Variants in SLC17A3 observed in about 807,000 individuals in gnomAD.
SLC17A3 encodes the protein sodium-dependent phosphate transport protein 4.
Under a neutral mutation model 60.3 loss-of-function variants are expected in SLC17A3, and 61 were observed. The observed-to-expected ratio is 1.01, with a 90% CI of 0.82 to 1.25. The LOEUF (loss-of-function observed/expected upper bound fraction) is 1.25. Among genes scored for constraint, SLC17A3 ranks in the 50% most tolerant of loss-of-function variants. SLC17A3 has a pLI of 0.00. For synonymous variants in SLC17A3, 192 were observed against 208.9 expected, an observed-to-expected ratio of 0.92 and a Z score of 0.70; for missense variants, 624 against 594.9, an observed-to-expected ratio of 1.05 and a Z score of -0.51.
At chr6:25,857,276 A>C (rs1765372501) in intron 5 of SLC17A3, among the ~76,000 whole-genome samples, 2 of 150,884 alleles carry the variant, frequency 1.3e-5, no homozygotes, top group Admixed American at 1.3e-4. Context: ...TCTATCTTTA[A>C]CTATTATTTT....
chr6:25,864,655 G>A (rs957825895), intron 2 of SLC17A3, among the ~76,000 whole-genome samples: 7 of 151,864 alleles, frequency 4.6e-5, no homozygotes, highest in African/African-American at 1.7e-4. Context: ...TGTAAGGTAG[G>A]GTGGTCAAGA....
chr6:25,851,620 C>A (rs192199952), intron 6 of SLC17A3, among the ~76,000 whole-genome samples: 1 of 152,022 alleles, frequency 6.6e-6, no homozygotes, highest in Non-Finnish European at 1.5e-5. Context: ...TGTGGATATC[C>A]AATTTTTGAG....
At chr6:25,865,271 G>A (rs1245279923) in intron 2 of SLC17A3, among the ~76,000 whole-genome samples, 8 of 151,950 alleles carry the variant, frequency 5.3e-5, no homozygotes. Flanking sequence ...CCCAGCTGTA[G>A]GGTTTATGTG....
At chr6:25,862,091 A>G in intron 3 of SLC17A3, 62 bp from the exon 4 acceptor site, 1 of 1,443,700 alleles carries the variant, frequency 6.9e-7, no homozygotes, top group Non-Finnish European at 9.5e-7. Flanking sequence ...ATACCCTAGA[A>G]AGCTCCTTTA....
intron 11 of SLC17A3, among the ~76,000 whole-genome samples, chr6:25,847,718 T>A (rs1377981090): frequency 1.3e-5 from 2 of 151,884 alleles, no homozygotes; most frequent in Admixed American, 6.5e-5. Context: ...CTTTTAAAAA[T>A]TTTTTATTTT....
Position 25,868,375 on chromosome 6 carries a change from T to C in SLC17A3, c.13A>G (p.Thr5Ala). 1 of 1,612,080 alleles carries C rather than the reference T, an allele frequency of 6.2e-7. No homozygotes were observed. The highest frequency in any genetic ancestry group is 8.5e-7 in the Non-Finnish European group (1 of 1,178,660). ...TCCCTTGCTGTGGGACTCAACTCTG[T>C]CTTGGTGGCCATTGTGTTTCTCCTC... Reference protein sequence around the residue: MATKTELSPTARESK... With the variant: MATKAELSPTARESK... Residue 5 changes from threonine to alanine, a missense_variant, in exon 2 of 13, where the codon ACA (threonine) becomes GCA (alanine). Thr to Ala is a moderately conservative substitution (Grantham distance 58). Coordinates refer to ENST00000397060, the MANE Select transcript of SLC17A3 (RefSeq NM_001098486.2).
intron 11 of SLC17A3, among the ~76,000 whole-genome samples, chr6:25,849,005 C>T (rs113151678): frequency 1.3e-5 from 2 of 152,156 alleles, no homozygotes; most frequent in Admixed American, 1.3e-4. Flanking sequence ...ACATTCTTTG[C>T]AAACACTTTA....
At chr6:25,872,939 G>A (rs1360384645) in intron 1 of SLC17A3, among the ~76,000 whole-genome samples, 2 of 152,010 alleles carry the variant, frequency 1.3e-5, no homozygotes, top group Non-Finnish European at 2.9e-5. Flanking sequence ...CTATCTCTAA[G>A]TGAACCAGGA....
At chr6:25,850,246 A>G (rs1765250816) in intron 8 of SLC17A3, 69 bp from the exon 9 acceptor site, 7 of 1,486,280 alleles carry the variant, frequency 4.7e-6, no homozygotes, top group Middle Eastern at 1.7e-4. Flanking sequence ...TTGATAAATT[A>G]CTACTAATAA....
At chr6:25,848,677 G>A (rs1050583105) in intron 11 of SLC17A3, among the ~76,000 whole-genome samples, 7 of 152,116 alleles carry the variant, frequency 4.6e-5, no homozygotes, top group Non-Finnish European at 8.8e-5. Context: ...AACCCTTCTA[G>A]ACACCGGCTT....
chr6:25,845,662 G>C (rs1765163325), intron 11 of SLC17A3, 146 bp from the exon 12 acceptor site: 2 of 888,890 alleles, frequency 2.3e-6, no homozygotes, highest in East Asian at 2.6e-5. Context: ...TAAATGCAAA[G>C]GATTTCAAAA....
chr6:25,862,465 T>C, intron 2 of SLC17A3, 21 bp from the exon 3 acceptor site: 1 of 1,581,274 alleles, frequency 6.3e-7, no homozygotes, highest in Non-Finnish European at 8.7e-7. Context: ...TATGACATCA[T>C]ATTAGTGTTT....
At position 25,850,553 on chromosome 6, in the gene SLC17A3, C is replaced by G; in HGVS notation, c.899G>C (p.Cys300Ser). 6.2e-7 allele frequency: 1 copy of G among 1,613,936 alleles called. No individual in the cohort carries two copies. Among genetic ancestry groups the G allele is most frequent in the Non-Finnish European group, 8.5e-7 (1 of 1,179,886 alleles). The change falls in exon 8 of 13, where the codon TGT becomes TCT. Residue 300 changes from cysteine (C) to serine (S), a missense_variant. Cys to Ser is a moderately radical substitution (Grantham distance 112, BLOSUM62 -1). Coordinates refer to ENST00000397060, the MANE Select transcript of SLC17A3 (RefSeq NM_001098486.2). ...CCATTGATGGCTGAAACAGCCTAAA[C>G]ATATGGACCAAATGGGTAGAGATCT... ...MLRSLPIWSI[C>S]LGCFSHQWLV...
rs1765466270 is a variant in SLC17A3, at chr6:25,862,400, G to A, written c.136C>T (p.His46Tyr). ...GCTATCGTTGTGAAATTGCAGAAATGTAAGACGAGGGCTATTCCATAGCGA... is the reference window on the plus strand; with the variant it reads ...GCTATCGTTGTGAAATTGCAGAAATATAAGACGAGGGCTATTCCATAGCGA... ...SARYGIALVL[H>Y]FCNFTTIAQN... is the part of the protein sequence containing the mutation. The change falls in exon 3 of 13, where the codon CAT (histidine) becomes TAT (tyrosine). Residue 46 changes from histidine to tyrosine, a missense_variant. His to Tyr is a moderately conservative substitution (Grantham distance 83). Transcript: ENST00000397060. 3.7e-6 allele frequency: 6 copies of A among 1,613,558 alleles called. No individual in the cohort carries two copies. Among genetic ancestry groups the A allele is most frequent in the Non-Finnish European group, 5.1e-6 (6 of 1,179,682 alleles).
intron 2 of SLC17A3, among the ~76,000 whole-genome samples, chr6:25,864,213 GA>G (rs1765499193): frequency 6.6e-6 from 1 of 151,908 alleles, no homozygotes; most frequent in South Asian, 2.1e-4. Context: ...GAGATGTCAG[GA>G]AAGCTAGATC....
At chr6:25,857,649 A>C (rs1472069502) in intron 5 of SLC17A3, among the ~76,000 whole-genome samples, 1 of 152,144 alleles carries the variant, frequency 6.6e-6, no homozygotes, top group East Asian at 1.9e-4. Context: ...AAATAGAGAG[A>C]AAAATTAAAT....
At chr6:25,866,032 GC>G in intron 2 of SLC17A3, among the ~76,000 whole-genome samples, 1 of 152,026 alleles carries the variant, frequency 6.6e-6, no homozygotes, top group South Asian at 2.1e-4. Flanking sequence ...CCTTAAGGTG[GC>G]CCCAGTGATT....
chr6:25,848,288 G>A (rs1441452751), intron 11 of SLC17A3, among the ~76,000 whole-genome samples: 1 of 152,162 alleles, frequency 6.6e-6, no homozygotes, highest in African/African-American at 2.4e-5. Flanking sequence ...GGATCAAACA[G>A]TAGTTCTACT....
At chr6:25,851,161 T>C (rs766613481) in intron 6 of SLC17A3, among the ~76,000 whole-genome samples, 1 of 152,158 alleles carries the variant, frequency 6.6e-6, no homozygotes, top group Non-Finnish European at 1.5e-5. Flanking sequence ...TTGTATTTCT[T>C]AAATAACTAA....
Sources: gnomAD v4.1 joint callset for allele counts (sites outside exome capture counted in the v4.1 genomes callset) on GRCh38, gnomAD v4.1.1 for gene constraint, MANE v1.5 for transcripts, NCBI Gene and HGNC (gene_info 2026-07-23, HGNC 2026-07-21) for gene names.